The following DEF6 variants were observed in gnomAD, a reference collection of about 807,000 sequenced individuals.
DEF6 encodes the protein differentially expressed in FDCP 6 homolog.
Under a neutral mutation model 80.5 loss-of-function variants are expected in DEF6, and 32 were observed. The observed-to-expected ratio is 0.40, with a 90% confidence interval of 0.30 to 0.53. The LOEUF (loss-of-function observed/expected upper bound fraction) is 0.53, where lower values mean the gene tolerates loss of function less well. DEF6 is among the 20% of genes least tolerant of loss of function. The pLI is 0.57. For missense variants in DEF6, 575 were observed against 818.7 expected, an observed-to-expected ratio of 0.70 and a Z score of 3.63; for synonymous variants, 300 against 337.9, an observed-to-expected ratio of 0.89 and a Z score of 1.23.
At chr6:35,308,090 A>G (rs1791414486) in intron 1 of DEF6, among the ~76,000 whole-genome samples, 1 of 152,224 alleles carries the variant, frequency 6.6e-6, no homozygotes, top group African/African-American at 2.4e-5. Flanking sequence ...TCTAGTAGGA[A>G]GGCAACCTGT....
intron 9 of DEF6, among the ~76,000 whole-genome samples, chr6:35,320,524 T>A (rs1791578551): frequency 6.6e-6 from 1 of 152,198 alleles, no homozygotes; most frequent in African/African-American, 2.4e-5. Flanking sequence ...GTGCAGTGGC[T>A]TAGAGCTCAA....
At chr6:35,303,354 T>A (rs1178389000) in intron 1 of DEF6, among the ~76,000 whole-genome samples, 1 of 152,130 alleles carries the variant, frequency 6.6e-6, no homozygotes, top group East Asian at 1.9e-4. Flanking sequence ...CTCCTAAGAC[T>A]CCCTTTTTAG....
rs1178378287 is a variant in DEF6, at chr6:35,297,869, A to G, written c.13A>G (p.Lys5Glu). The change falls in exon 1 of 11, where the codon AAG becomes GAG. Residue 5 changes from lysine (K) to glutamate (E), a missense_variant. Lys to Glu is a moderately conservative substitution (Grantham distance 56). Coordinates refer to ENST00000316637, the MANE Select transcript of DEF6 (RefSeq NM_022047.4). MALR[K>E]ELLKSIWYAF... ...GGGCGCCTCAGCCATGGCCCTGCGC[A>G]AGGAACTGCTCAAGTCCATCTGGTA... is the stretch of plus-strand genomic sequence containing the variant. The G allele has an allele frequency of 2.5e-6, 4 of 1,603,252 alleles. No individual in the cohort carries two copies. Among genetic ancestry groups the G allele is most frequent in the African/African-American group, 1.3e-5 (1 of 74,968 alleles).
intron 3 of DEF6, 42 bp downstream of exon 3, chr6:35,310,686 C>T: frequency 6.2e-7 from 1 of 1,607,450 alleles, no homozygotes; most frequent in Non-Finnish European, 8.5e-7. Context: ...CACTTGGGAC[C>T]AGACCTAAGC....
At chr6:35,302,434 G>A (rs890510366) in intron 1 of DEF6, among the ~76,000 whole-genome samples, 16 of 152,096 alleles carry the variant, frequency 1.1e-4, no homozygotes, top group African/African-American at 3.9e-4. Flanking sequence ...CCCAAACCCT[G>A]GGGATCCTGA....
rs78565971 is a variant in DEF6 at position 35,306,232 on chromosome 6, C to T, written c.97-3438C>T. ...AAGTAAAGAAGAATATAATGTTGGC[C>T]GGGCGCGGTGGCTCATGCCTGTAAC... On this transcript the variant is annotated intron_variant, in intron 1 of 10. Coordinates refer to ENST00000316637, the MANE Select transcript of DEF6 (RefSeq NM_022047.4). Among the ~76,000 whole-genome samples, 215 of 148,538 alleles carry T rather than the reference C, an allele frequency of 1.4e-3. 3 individuals carry two copies. The East Asian group carries it at 0.041, about 28-fold the overall frequency.
chr6:35,298,991 T>TG (rs905224086), intron 1 of DEF6, among the ~76,000 whole-genome samples: 2 of 152,166 alleles, frequency 1.3e-5, no homozygotes, highest in Non-Finnish European at 2.9e-5. Flanking sequence ...GCTGGATACC[T>TG]GAGAGATGAA....
At position 35,316,705 on chromosome 6, in the gene DEF6, T is replaced by C. The variant is rs958636801; in HGVS notation, c.808-1186T>C. Reference sequence around the variant, plus strand: ...TTCTGTTACTATGATGTGTCATGCATATTGATTTGTGCATGTTGAACCATC... The same window carrying C: ...TTCTGTTACTATGATGTGTCATGCACATTGATTTGTGCATGTTGAACCATC... On this transcript the variant is annotated intron_variant, in intron 5 of 10. Coordinates refer to ENST00000316637, the MANE Select transcript of DEF6 (RefSeq NM_022047.4). Among the ~76,000 whole-genome samples, 73 of 152,230 alleles carry C rather than the reference T, an allele frequency of 4.8e-4. 1 individual carries two copies. The highest frequency in any genetic ancestry group is 1.7e-3 in the African/African-American group (70 of 41,460).
chr6:35,305,331 A>G (rs545872163), intron 1 of DEF6, among the ~76,000 whole-genome samples: 6 of 150,578 alleles, frequency 4.0e-5, no homozygotes, highest in Non-Finnish European at 5.9e-5. Flanking sequence ...TTACAAAAAA[A>G]TTTTTTAACT....
rs771987663 is a variant in DEF6, at chr6:35,312,448, G to A, written c.570G>A (p.Ser190=). The change falls in exon 4 of 11, where the codon TCG becomes TCA. Residue 190 remains serine (S), a synonymous_variant. Transcript: ENST00000316637. This position sits in a 1 kb window ranked among gnomAD's most constrained non-coding sequence, Gnocchi z 6.6. ...GGCAGTTCCTGGAGCTCTTCAATTC[G>A]GGCCGCTGCCTGCGGGGCGTGGGCC... The part of the protein sequence containing the change: ...SVWQFLELFN[S]GRCLRGVGRD... 6 of 1,614,008 alleles carry A rather than the reference G, an allele frequency of 3.7e-6. No individual in the cohort carries two copies. Among genetic ancestry groups the A allele is most frequent in the South Asian group, 1.1e-5 (1 of 91,084 alleles).
rs980090957 is a variant in DEF6 at position 35,320,810 on chromosome 6, C to T, written c.1582-74C>T. ...TCTTGGTCAGATTTTAAGCAGCCTG[C>T]GAACCTGAAAAGATCAAGACTCCAT... On this transcript the variant is annotated intron_variant, in intron 9 of 10. Coordinates refer to ENST00000316637, the MANE Select transcript of DEF6 (RefSeq NM_022047.4). 88 of 1,372,382 alleles carry T rather than the reference C, an allele frequency of 6.4e-5. No individual in the cohort carries two copies. The South Asian group carries it at 8.4e-4, about 13-fold the overall frequency. 85.0% of individuals were successfully genotyped at this position (1,372,382 alleles called of 1,614,324 possible).
chr6:35,305,860 A>G (rs1479335835), intron 1 of DEF6, among the ~76,000 whole-genome samples: 1 of 149,864 alleles, frequency 6.7e-6, no homozygotes, highest in African/African-American at 2.5e-5. Context: ...GGTGTGAACC[A>G]CTGCGCCTGG....
intron 1 of DEF6, among the ~76,000 whole-genome samples, chr6:35,308,742 AAT>A (rs1791426103): frequency 6.7e-6 from 1 of 148,812 alleles, no homozygotes; most frequent in African/African-American, 2.5e-5. Flanking sequence ...AAAATAATAA[AAT>A]AAAATAAAAT....
At chr6:35,300,704 G>A (rs1791303000) in intron 1 of DEF6, among the ~76,000 whole-genome samples, 1 of 152,208 alleles carries the variant, frequency 6.6e-6, no homozygotes, top group Admixed American at 6.5e-5. Flanking sequence ...GATTTAGGTT[G>A]AACACAAAAC....
Position 35,312,846 on chromosome 6 carries a change from T to A in DEF6, c.807+74T>A. On this transcript the variant is annotated intron_variant, in intron 5 of 10. Coordinates refer to ENST00000316637, the MANE Select transcript of DEF6 (RefSeq NM_022047.4). This position sits in a 1 kb window ranked among gnomAD's most constrained non-coding sequence, Gnocchi z 6.6. ...TCAGGGGCATGAGAAGACAAGGGGG[T>A]CAGGAGAGGGGCAAATGGAGAAAAG... 77 of 1,430,202 alleles carry A rather than the reference T, an allele frequency of 5.4e-5. No individual in the cohort carries two copies. The highest frequency in any genetic ancestry group is 2.3e-4 in the Middle Eastern group (1 of 4,336). 88.6% of individuals were successfully genotyped at this position (1,430,202 alleles called of 1,614,324 possible). A position where few individuals can be genotyped will look rare whatever the true frequency, so the allele number is the denominator to read the frequency against.
chr6:35,312,434 G>T lies in DEF6; in HGVS notation c.556G>T (p.Glu186Ter). The T allele has an allele frequency of 6.2e-7, 1 of 1,614,152 alleles. No individual in the cohort carries two copies. Among genetic ancestry groups the T allele is most frequent in the Non-Finnish European group, 8.5e-7 (1 of 1,180,036 alleles). Reference protein sequence around the residue: ...TGGLSVWQFLELFNSGRCLRG... With the variant: ...TGGLSVWQFL Reference sequence around the variant, plus strand: ...GGGGCTCAGCGTCTGGCAGTTCCTGGAGCTCTTCAATTCGGGCCGCTGCCT... The same window carrying T: ...GGGGCTCAGCGTCTGGCAGTTCCTGTAGCTCTTCAATTCGGGCCGCTGCCT... Residue 186 changes from glutamate to a stop codon, truncating the protein, a stop_gained, in exon 4 of 11, where the codon GAG becomes TAG. Transcript: ENST00000316637. LOFTEE classifies it high-confidence loss of function. The surrounding 1 kb of genome is among the most constrained non-coding windows in gnomAD (Gnocchi z 6.6).
chr6:35,317,682 C>A, intron 5 of DEF6: 1 of 532,182 alleles, frequency 1.9e-6, no homozygotes, highest in Non-Finnish European at 3.4e-6. Context: ...GAAACGCACC[C>A]ACCTAGCCTT....
Position 35,319,751 on chromosome 6 carries a change from T to C in DEF6, c.1382+61T>C, listed in dbSNP as rs1791566371. 2.5e-6 allele frequency: 4 copies of C among 1,610,588 alleles called. No individual in the cohort carries two copies. In the Admixed American group the frequency reaches 5.0e-5, roughly 20 times the overall value. On this transcript the variant is annotated intron_variant, in intron 8 of 10. Coordinates refer to ENST00000316637, the MANE Select transcript of DEF6 (RefSeq NM_022047.4). This position sits in a 1 kb window ranked among gnomAD's most constrained non-coding sequence, Gnocchi z 4.5. ...CCCCTCCTGGAACACACCCCAGTTT[T>C]CCTGCTTGCTGTGCACCTGCAAGGT... is the stretch of plus-strand genomic sequence containing the variant.
chr6:35,313,608 C>T (rs1433025361), intron 5 of DEF6, among the ~76,000 whole-genome samples: 1 of 152,158 alleles, frequency 6.6e-6, no homozygotes, highest in Non-Finnish European at 1.5e-5. Context: ...TCTTTGTCCT[C>T]CCCCCACACT....
Sources: allele counts gnomAD v4.1 joint callset (sites outside exome capture counted in the v4.1 genomes callset), GRCh38; gene constraint gnomAD v4.1.1; non-coding constraint Gnocchi (gnomAD v3.1); transcripts MANE v1.5; gene names NCBI Gene and HGNC (gene_info 2026-07-23, HGNC 2026-07-21).